HERC5: variants seen among roughly 807,000 people sequenced by gnomAD.
The protein encoded by HERC5 is HECT and RLD domain containing E3 ubiquitin protein ligase 5.
In HERC5, 99 loss-of-function variants were observed where a neutral mutation model predicts 119.6. The ratio of observed to expected loss-of-function variants is 0.83; its 90% CI spans 0.70 to 0.98. HERC5 has a LOEUF of 0.98. Among genes scored for constraint, HERC5 ranks in the 50% least tolerant of loss-of-function variants. The pLI is 0.00. For missense variants in HERC5, 1,267 were observed against 1,241.3 expected, an observed-to-expected ratio of 1.02 and a Z score of -0.31; for synonymous variants, 478 against 445.9, an observed-to-expected ratio of 1.07 and a Z score of -0.91.
At chr4:88,501,901 C>G (rs1346550633) in intron 20 of HERC5, among the ~76,000 whole-genome samples, 1 of 152,098 alleles carries the variant, frequency 6.6e-6, no homozygotes, top group Non-Finnish European at 1.5e-5. Flanking sequence ...CGGGTTCAAG[C>G]GATTCTCCTG....
intron 12 of HERC5, 39 bp downstream of exon 12, chr4:88,476,069 C>G (rs745390567): frequency 5.9e-6 from 9 of 1,516,570 alleles, no homozygotes; most frequent in Non-Finnish European, 8.1e-6. Flanking sequence ...CCTGTCTTCT[C>G]AGTGGAAAGA....
At chr4:88,469,577 A>T (rs1033880069) in intron 9 of HERC5, among the ~76,000 whole-genome samples, 11 of 152,172 alleles carry the variant, frequency 7.2e-5, no homozygotes, top group Non-Finnish European at 1.6e-4. Flanking sequence ...CTCAAGTCTG[A>T]AGGCAATCTA....
At position 88,486,271 on chromosome 4, in the gene HERC5, G is replaced by A. The variant is rs1184098890; in HGVS notation, c.1851+43G>A. 2.6e-6 allele frequency: 3 copies of A among 1,173,060 alleles called. 1 individual carries two copies. The Middle Eastern group carries it at 5.9e-4, about 231-fold the overall frequency. 72.7% of individuals were successfully genotyped at this position (1,173,060 alleles called of 1,614,324 possible). A position where few individuals can be genotyped will look rare whatever the true frequency, so the allele number is the denominator to read the frequency against. ...AAAGGGGGAAATTGATAATCAGTGA[G>A]TTAATACAGGCATTTCTTGTCCTCT... is the stretch of plus-strand genomic sequence containing the variant. On this transcript the variant is annotated intron_variant, in intron 14 of 22. Coordinates refer to ENST00000264350, the MANE Select transcript of HERC5 (RefSeq NM_016323.4).
At position 88,463,660 on chromosome 4, in the gene HERC5, A is replaced by G. The variant is rs568683655; in HGVS notation, c.780+37A>G. ...CTTGTCTCTTTTTGGCTGTATTTTT[A>G]GAAGAACAGTTTGTATGGGAAGTTA... On this transcript the variant is annotated intron_variant, in intron 5 of 22. Transcript: ENST00000264350. 6 of 1,560,370 alleles carry G rather than the reference A, an allele frequency of 3.8e-6. No individual in the cohort carries two copies. In the Admixed American group the frequency reaches 5.1e-5, roughly 13 times the overall value.
chr4:88,465,647 G>A (rs1032299565), intron 6 of HERC5, among the ~76,000 whole-genome samples: 28 of 152,174 alleles, frequency 1.8e-4, no homozygotes, highest in Admixed American at 1.3e-4. Context: ...TGTATTACAA[G>A]AGAAGGAGGC....
rs76095623 is a variant in HERC5 at position 88,501,126 on chromosome 4, T to C, written c.2582+141T>C. On this transcript the variant is annotated intron_variant, in intron 20 of 22. Transcript: ENST00000264350. ...GGCAGAGAAGTTGGTGTGTGTTGTA[T>C]GTGTTTTGACATATATATCATGGAG... is the stretch of plus-strand genomic sequence containing the variant. 3.8e-3 allele frequency: 2,297 copies of C among 599,572 alleles called. 23 individuals carry two copies. Among genetic ancestry groups the C allele is most frequent in the East Asian group, 0.035 (1,194 of 33,670 alleles). 37.1% of individuals were successfully genotyped at this position (599,572 alleles called of 1,614,324 possible).
chr4:88,487,961 A>G (rs187070044), intron 15 of HERC5, among the ~76,000 whole-genome samples: 3 of 152,350 alleles, frequency 2.0e-5, no homozygotes, highest in Admixed American at 6.5e-5. Context: ...TGTTATATGT[A>G]TGTATAATAT....
chr4:88,505,809 A>G lies in HERC5; in HGVS notation c.3006A>G (p.Lys1002=), dbSNP rs1742087738. The change falls in exon 23 of 23, where the codon AAA becomes AAG. Residue 1002 remains lysine (K), a synonymous_variant. Transcript: ENST00000264350. ...LTCFSVLFLP[K]YSTMETVEEA... is the part of the protein sequence containing the mutation. ...GTTTCAGTGTCCTCTTCCTCCCTAA[A>G]TATTCTACAATGGAAACAGTTGAAG... 1 of 1,613,750 alleles carries G rather than the reference A, an allele frequency of 6.2e-7. No homozygotes were observed. The highest frequency in any genetic ancestry group is 1.1e-5 in the South Asian group (1 of 91,034).
chr4:88,473,769 G>T (rs1740955460), intron 11 of HERC5: 1 of 152,204 alleles, frequency 6.6e-6, no homozygotes, highest in Non-Finnish European at 1.5e-5. Context: ...ACCATGGAAA[G>T]ATTACCAAAA....
intron 19 of HERC5, among the ~76,000 whole-genome samples, chr4:88,500,501 GC>G (rs1333166583): frequency 1.3e-5 from 2 of 152,222 alleles, no homozygotes; most frequent in Admixed American, 6.5e-5. Context: ...ACCTCACATG[GC>G]CATGCCGAGA....
At chr4:88,460,206 G>A (rs1290475928) in intron 3 of HERC5, 35 bp downstream of exon 3, 2 of 1,074,622 alleles carry the variant, frequency 1.9e-6, no homozygotes, top group African/African-American at 1.6e-5. Context: ...TTTTGTAGAA[G>A]TAATACCTGT....
At chr4:88,481,328 C>A (rs928145814) in intron 13 of HERC5, among the ~76,000 whole-genome samples, 2 of 152,208 alleles carry the variant, frequency 1.3e-5, no homozygotes, top group Admixed American at 6.5e-5. Context: ...CCTGGTATTA[C>A]AGGTATGAGC....
intron 16 of HERC5, among the ~76,000 whole-genome samples, chr4:88,492,741 A>C (rs570915705): frequency 6.6e-6 from 1 of 152,104 alleles, no homozygotes; most frequent in South Asian, 2.1e-4. Context: ...GTGAGACTCC[A>C]TCTCAAAAAA....
chr4:88,496,750 G>C (rs1453391949), intron 18 of HERC5, among the ~76,000 whole-genome samples: 1 of 152,180 alleles, frequency 6.6e-6, no homozygotes, highest in East Asian at 1.9e-4. Context: ...TGTACCAACA[G>C]TAAAGAAAAG....
intron 21 of HERC5, 22 bp from the exon 22 acceptor site, chr4:88,504,473 C>T (rs1042131617): frequency 1.3e-6 from 2 of 1,565,258 alleles, no homozygotes; most frequent in Non-Finnish European, 1.7e-6. Flanking sequence ...TCCTCAATAA[C>T]TTTTTTTTGT....
chr4:88,486,210 C>T lies in HERC5; in HGVS notation c.1833C>T (p.Tyr611=), dbSNP rs1452365987. The change falls in exon 14 of 23, where the codon TAC becomes TAT. Residue 611 remains tyrosine (Y), a synonymous_variant. Transcript: ENST00000264350. ...TTTTTGTAGAAGTATGCAGAAGGTACTTGTGGAAAATGACTGTGGTAGGTA... is the reference window on the plus strand; with the variant it reads ...TTTTTGTAGAAGTATGCAGAAGGTATTTGTGGAAAATGACTGTGGTAGGTA... The part of the protein sequence containing the change: ...LNFFVEVCRR[Y]LWKMTVDASE... 6 of 1,605,702 alleles carry T rather than the reference C, an allele frequency of 3.7e-6. No homozygotes were observed. The highest frequency in any genetic ancestry group is 4.3e-6 in the Non-Finnish European group (5 of 1,173,572).
intron 18 of HERC5, among the ~76,000 whole-genome samples, chr4:88,498,027 A>G (rs1172252413): frequency 6.6e-6 from 1 of 152,204 alleles, no homozygotes; most frequent in African/African-American, 2.4e-5. Flanking sequence ...GTGTGACTCC[A>G]GTGGCCCCAG....
chr4:88,478,649 T>C (rs1741166522), intron 12 of HERC5, among the ~76,000 whole-genome samples: 1 of 152,138 alleles, frequency 6.6e-6, no homozygotes, highest in Admixed American at 6.5e-5. Flanking sequence ...TCTTACTCTG[T>C]CACCCAGGTT....
chr4:88,483,397 A>G (rs1484253906), intron 13 of HERC5, among the ~76,000 whole-genome samples: 2 of 151,752 alleles, frequency 1.3e-5, no homozygotes, highest in African/African-American at 2.4e-5. Flanking sequence ...TTGGAGAGAC[A>G]GGGCCTAACT....
Sources: allele counts gnomAD v4.1 joint callset (sites outside exome capture counted in the v4.1 genomes callset), GRCh38; gene constraint gnomAD v4.1.1; transcripts MANE v1.5; gene names NCBI Gene and HGNC (gene_info 2026-07-23, HGNC 2026-07-21).